RASSF5: variants seen among roughly 807,000 people sequenced by gnomAD.
The protein encoded by RASSF5 is Ras association domain family member 5.
Under a neutral mutation model 40.5 loss-of-function variants are expected in RASSF5, and 25 were observed. That is an observed-to-expected ratio of 0.62 (90% CI 0.45 to 0.86). RASSF5 has a LOEUF of 0.86. RASSF5 is among the 40% of genes least tolerant of loss of function. The pLI is 0.00. For missense variants in RASSF5, 521 were observed against 572.8 expected, an observed-to-expected ratio of 0.91 and a Z score of 0.92; for synonymous variants, 246 against 252.4, an observed-to-expected ratio of 0.97 and a Z score of 0.24.
At chr1:206,575,179 G>A (rs1256293436) in intron 2 of RASSF5, among the ~76,000 whole-genome samples, 1 of 152,156 alleles carries the variant, frequency 6.6e-6, no homozygotes, top group Non-Finnish European at 1.5e-5. Context: ...CTTGCCTGCA[G>A]ACGTTCCCAT....
intron 2 of RASSF5, among the ~76,000 whole-genome samples, chr1:206,581,664 G>A (rs1343924679): frequency 1.3e-5 from 2 of 150,266 alleles, no homozygotes; most frequent in Non-Finnish European, 2.9e-5. Context: ...AGAAAAGGAA[G>A]GAAGGAAGGA....
chr1:206,539,623 C>T (rs112142858), intron 2 of RASSF5, among the ~76,000 whole-genome samples: 1,688 of 152,270 alleles, frequency 0.011, 28 homozygotes, highest in African/African-American at 0.038. Flanking sequence ...GCTCCACAGA[C>T]GTTGGAATAG....
intron 1 of RASSF5, among the ~76,000 whole-genome samples, chr1:206,508,692 G>A (rs1395976422): frequency 3.3e-5 from 5 of 151,898 alleles, no homozygotes; most frequent in African/African-American, 1.2e-4. Flanking sequence ...TCAAACCTTT[G>A]GACTCTGCTC....
intron 1 of RASSF5, chr1:206,528,835 T>C: frequency 2.4e-6 from 1 of 409,392 alleles, no homozygotes. Flanking sequence ...GCCAGGAGTT[T>C]GAGACCAGCC....
chr1:206,528,788 A>G (rs1357550596), intron 1 of RASSF5: 3 of 355,206 alleles, frequency 8.4e-6, no homozygotes, highest in Non-Finnish European at 1.5e-5. Context: ...CTGTAATCCT[A>G]GCACTTTGGG....
At chr1:206,529,412 C>A in intron 1 of RASSF5, 1 of 789,126 alleles carries the variant, frequency 1.3e-6, no homozygotes. Context: ...TGGTCGTCTT[C>A]TTGCCTGCCC....
intron 2 of RASSF5, among the ~76,000 whole-genome samples, chr1:206,567,301 G>T (rs782268533): frequency 2.0e-5 from 3 of 152,182 alleles, no homozygotes; most frequent in Non-Finnish European, 4.4e-5. Context: ...GGGAGGGAGC[G>T]GGGGAGCCTG....
chr1:206,525,014 G>T (rs915459905), intron 1 of RASSF5, among the ~76,000 whole-genome samples: 3 of 151,984 alleles, frequency 2.0e-5, no homozygotes, highest in African/African-American at 7.3e-5. Flanking sequence ...TGCCTGGCAG[G>T]CACTCCTCTT....
At chr1:206,534,614 G>A (rs1379942198) in intron 1 of RASSF5, among the ~76,000 whole-genome samples, 1 of 152,160 alleles carries the variant, frequency 6.6e-6, no homozygotes, top group East Asian at 1.9e-4. Context: ...CTCCCTGCCT[G>A]TTCTGGCTGG....
At position 206,548,839 on chromosome 1, in the gene RASSF5, C is replaced by A. The variant is rs142106151; in HGVS notation, c.579+10546C>A. On this transcript the variant is annotated intron_variant, in intron 2 of 5. Transcript: ENST00000579436. ...TACTGCTCTGTTCATTTAAAAAATT[C>A]TCTTTTCTTTCTGTGGTTCATTTTG... 3.1e-3 allele frequency among the ~76,000 whole-genome samples: 474 copies of A among 152,098 alleles called. 7 individuals carry two copies. The highest frequency in any genetic ancestry group is 8.9e-3 in the South Asian group (43 of 4,816).
chr1:206,585,474 C>A (rs1669076752), intron 5 of RASSF5, 179 bp downstream of exon 5: 1 of 573,044 alleles, frequency 1.7e-6, no homozygotes, highest in Admixed American at 2.8e-5. Flanking sequence ...AGCCAGGACT[C>A]TGAACACCCT....
At chr1:206,564,878 A>G (rs1668243629) in intron 2 of RASSF5, among the ~76,000 whole-genome samples, 1 of 152,190 alleles carries the variant, frequency 6.6e-6, no homozygotes, top group Non-Finnish European at 1.5e-5. Flanking sequence ...GCACTGACAG[A>G]CAGCTTCAGG....
At chr1:206,533,168 AG>A (rs1367640514) in intron 1 of RASSF5, among the ~76,000 whole-genome samples, 3 of 152,204 alleles carry the variant, frequency 2.0e-5, no homozygotes, top group Non-Finnish European at 2.9e-5. Context: ...GCCATCTCCA[AG>A]CATAGGCCAC....
chr1:206,547,462 C>T (rs369197047), intron 2 of RASSF5, among the ~76,000 whole-genome samples: 1 of 151,932 alleles, frequency 6.6e-6, no homozygotes, highest in East Asian at 1.9e-4. Context: ...AGGTTGCGTG[C>T]TCCTTATGAG....
intron 2 of RASSF5, chr1:206,543,543 G>C (rs1199596184): frequency 6.8e-6 from 1 of 146,032 alleles, no homozygotes; most frequent in East Asian, 2.0e-4. Flanking sequence ...TATTTTGCAT[G>C]TATATATACA....
At chr1:206,583,709 A>G (rs1002456611) in intron 3 of RASSF5, 6 of 312,136 alleles carry the variant, frequency 1.9e-5, no homozygotes, top group Admixed American at 1.4e-4. Context: ...GGGAGCCAGG[A>G]CAATGGGACT....
chr1:206,584,525 C>A lies in RASSF5; in HGVS notation c.829C>A (p.Arg277=), dbSNP rs4845112. 106,821 of 1,614,048 alleles carry A rather than the reference C, an allele frequency of 0.066. 4,236 individuals are homozygous for A. The highest frequency in any genetic ancestry group is 0.14 in the East Asian group (6,458 of 44,870). The part of the protein sequence containing the change: ...EVNLAATTDK[R]TSFYLPLDAI... ...GAACCTGGCGGCTACCACGGACAAG[C>A]GGACATCCTTCTACCTGCCCCTAGA... is the stretch of plus-strand genomic sequence containing the variant. The change falls in exon 4 of 6, where the codon CGG becomes AGG. Residue 277 remains arginine (R), a synonymous_variant. Coordinates refer to ENST00000579436, the MANE Select transcript of RASSF5 (RefSeq NM_182663.4). The surrounding 1 kb of genome is among the most constrained non-coding windows in gnomAD (Gnocchi z 4.9).
intron 2 of RASSF5, chr1:206,544,744 C>T (rs1667631367): frequency 6.6e-6 from 1 of 152,270 alleles, no homozygotes; most frequent in Non-Finnish European, 1.5e-5. Context: ...CTTAGCAGGG[C>T]CCCTGCTGCA....
chr1:206,557,595 A>G (rs201031974), intron 2 of RASSF5: 1 of 1,614,198 alleles, frequency 6.2e-7, no homozygotes, highest in East Asian at 2.2e-5. Context: ...CAGCAGCATG[A>G]GCAGTGGGTA....
Sources: allele counts gnomAD v4.1 joint callset (sites outside exome capture counted in the v4.1 genomes callset), GRCh38; gene constraint gnomAD v4.1.1; non-coding constraint Gnocchi (gnomAD v3.1); transcripts MANE v1.5; gene names NCBI Gene and HGNC (gene_info 2026-07-23, HGNC 2026-07-21).